The following MTUS2 variants were observed in gnomAD, a reference collection of about 807,000 sequenced individuals.
MTUS2 encodes the protein microtubule-associated tumor suppressor candidate 2.
In MTUS2, 40 loss-of-function variants were observed where a neutral mutation model predicts 114.1. The observed-to-expected ratio is 0.35, with a 90% CI of 0.27 to 0.46. The LOEUF is 0.46. Among genes scored for constraint, MTUS2 ranks in the 20% least tolerant of loss-of-function variants. The pLI is 1.00. For synonymous variants in MTUS2, 688 were observed against 672.0 expected, an observed-to-expected ratio of 1.02 and a Z score of -0.37; for missense variants, 1,679 against 1,705.4, an observed-to-expected ratio of 0.98 and a Z score of 0.27.
intron 3 of MTUS2, among the ~76,000 whole-genome samples, chr13:29,031,379 A>G (rs575489440): frequency 6.6e-6 from 1 of 152,168 alleles, no homozygotes; most frequent in African/African-American, 2.4e-5. Flanking sequence ...ATAGATGTAT[A>G]TATAGAGAGG....
At chr13:28,840,997 C>T (rs1358628763) in intron 2 of MTUS2, among the ~76,000 whole-genome samples, 2 of 152,138 alleles carry the variant, frequency 1.3e-5, no homozygotes, top group Non-Finnish European at 2.9e-5. Flanking sequence ...TCAGATTCGC[C>T]CTACTTTAAT....
At chr13:28,860,245 C>G (rs1876885012) in intron 2 of MTUS2, among the ~76,000 whole-genome samples, 1 of 152,134 alleles carries the variant, frequency 6.6e-6, no homozygotes, top group South Asian at 2.1e-4. Flanking sequence ...TGAAAACATG[C>G]AAATGACTCA....
At chr13:28,951,787 A>G (rs1216710895) in intron 2 of MTUS2, among the ~76,000 whole-genome samples, 1 of 151,920 alleles carries the variant, frequency 6.6e-6, no homozygotes, top group Non-Finnish European at 1.5e-5. Flanking sequence ...TGACAGAGTG[A>G]GACTCTGGCT....
At chr13:29,129,569 T>C (rs1420136711) in intron 5 of MTUS2, among the ~76,000 whole-genome samples, 1 of 55,826 alleles carries the variant, frequency 1.8e-5, no homozygotes, top group Non-Finnish European at 4.9e-5. Flanking sequence ...TGTAGTTTTT[T>C]TTATTGATAT....
chr13:29,381,189 T>C (rs1177763364), intron 8 of MTUS2, among the ~76,000 whole-genome samples: 1 of 152,064 alleles, frequency 6.6e-6, no homozygotes. Context: ...GATGCTGGTA[T>C]TGAGGAGGAG....
chr13:29,325,134 G>A (rs868325656), intron 7 of MTUS2, among the ~76,000 whole-genome samples: 1 of 152,146 alleles, frequency 6.6e-6, no homozygotes, highest in Non-Finnish European at 1.5e-5. Flanking sequence ...ACTACATAAG[G>A]TTGCTTGAAA....
chr13:29,270,548 T>G (rs1224985167), intron 5 of MTUS2, among the ~76,000 whole-genome samples: 3 of 152,144 alleles, frequency 2.0e-5, no homozygotes, highest in African/African-American at 7.2e-5. Context: ...AAATGGGAAC[T>G]CCCCCTCTTT....
intron 5 of MTUS2, among the ~76,000 whole-genome samples, chr13:29,274,981 G>A (rs543775643): frequency 5.7e-4 from 87 of 152,186 alleles, no homozygotes; most frequent in Middle Eastern, 6.8e-3. Context: ...CAATTCTCCT[G>A]CCTTGGCCTC....
intron 4 of MTUS2, among the ~76,000 whole-genome samples, chr13:29,093,906 A>G (rs2138789566): frequency 6.6e-6 from 1 of 152,260 alleles, no homozygotes; most frequent in South Asian, 2.1e-4. Flanking sequence ...ATAAGATTGA[A>G]TATATTTTCT....
At chr13:29,492,043 ATGTGAT>A (rs2138977921) in intron 11 of MTUS2, among the ~76,000 whole-genome samples, 2 of 96,972 alleles carry the variant, frequency 2.1e-5, no homozygotes, top group African/African-American at 4.0e-5. Context: ...GTGTGTGTGT[ATGTGAT>A]GTGTGTGGTA....
rs145504300 is a variant in MTUS2 at position 28,957,446 on chromosome 13, G to GA, written c.-242-67007dup. Reference sequence around the variant, plus strand: ...TAATGGATTCATCCAACTGTGGATTGAAAATATTCAGAAAAAAGGAGGATT... The same window carrying GA: ...TAATGGATTCATCCAACTGTGGATTGAAAAATATTCAGAAAAAAGGAGGATT... On this transcript the variant is annotated intron_variant, in intron 2 of 15. Coordinates refer to ENST00000612955, the MANE Select transcript of MTUS2 (RefSeq NM_001033602.4). 9.2e-3 allele frequency among the ~76,000 whole-genome samples: 1,401 copies of GA among 152,254 alleles called. 33 individuals are homozygous for GA. The highest frequency in any genetic ancestry group is 0.032 in the African/African-American group (1,323 of 41,524).
chr13:29,378,499 C>T (rs1453933957), intron 8 of MTUS2, among the ~76,000 whole-genome samples: 4 of 152,064 alleles, frequency 2.6e-5, no homozygotes, highest in East Asian at 1.9e-4. Flanking sequence ...CTGCCGTGCT[C>T]GTGCCCCCTC....
At chr13:29,196,903 A>G (rs1218941985) in intron 5 of MTUS2, among the ~76,000 whole-genome samples, 4 of 152,218 alleles carry the variant, frequency 2.6e-5, no homozygotes, top group East Asian at 1.9e-4. Flanking sequence ...TAAGGCTGCT[A>G]TTAACATGAG....
At chr13:29,131,574 A>G (rs1175351474) in intron 5 of MTUS2, among the ~76,000 whole-genome samples, 1 of 152,240 alleles carries the variant, frequency 6.6e-6, no homozygotes, top group African/African-American at 2.4e-5. Context: ...CTTTTTCCAC[A>G]AGGAAACAGG....
At chr13:28,855,317 C>G (rs1030718255) in intron 2 of MTUS2, among the ~76,000 whole-genome samples, 1 of 152,038 alleles carries the variant, frequency 6.6e-6, no homozygotes, top group Admixed American at 6.6e-5. Context: ...AGGTTTGTTA[C>G]ATAAGTAAAC....
intron 2 of MTUS2, among the ~76,000 whole-genome samples, chr13:28,915,674 G>A (rs765591048): frequency 6.6e-6 from 1 of 151,794 alleles, no homozygotes; most frequent in Non-Finnish European, 1.5e-5. Flanking sequence ...AGTTGTTTGA[G>A]CTCCTTATAT....
chr13:29,100,725 C>T, intron 4 of MTUS2, 48 bp from the exon 5 acceptor site: 1 of 1,534,232 alleles, frequency 6.5e-7, no homozygotes, highest in Non-Finnish European at 8.8e-7. Context: ...TTCATTATCT[C>T]ATTATGAACT....
At chr13:29,033,832 A>G (rs2138520273) in intron 3 of MTUS2, 53 bp from the exon 4 acceptor site, 2 of 1,605,700 alleles carry the variant, frequency 1.2e-6, no homozygotes, top group Middle Eastern at 1.7e-4. Flanking sequence ...CCTGTATAGA[A>G]CTCACACTAT....
At chr13:29,227,258 CAAAAA>C (rs10680419) in intron 5 of MTUS2, among the ~76,000 whole-genome samples, 2 of 120,646 alleles carry the variant, frequency 1.7e-5, no homozygotes, top group African/African-American at 3.3e-5. Context: ...GACTCCGTCT[CAAAAA>C]AAAAAAAAAA....
Sources: allele counts gnomAD v4.1 joint callset (sites outside exome capture counted in the v4.1 genomes callset), GRCh38; gene constraint gnomAD v4.1.1; transcripts MANE v1.5; gene names NCBI Gene and HGNC (gene_info 2026-07-23, HGNC 2026-07-21).